Variants in CASK observed in about 807,000 individuals in gnomAD.
CASK encodes peripheral plasma membrane protein CASK.
CASK carries 4 observed loss-of-function variants against 82.9 expected under a neutral mutation model. That is an observed-to-expected ratio of 0.05 (90% CI 0.02 to 0.11). The LOEUF is 0.11. Among genes scored for constraint, CASK ranks in the 10% least tolerant of loss-of-function variants. The pLI is 1.00. For missense variants in CASK, 358 were observed against 720.9 expected, an observed-to-expected ratio of 0.50 and a Z score of 5.76; for synonymous variants, 259 against 253.5, an observed-to-expected ratio of 1.02 and a Z score of -0.20.
intron 10 of CASK, 80 bp from the exon 11 acceptor site, chrX:41,622,714 C>T (rs1419375985): frequency 2.3e-6 from 2 of 858,254 alleles, no homozygotes; most frequent in South Asian, 5.3e-5. Flanking sequence ...CAGTTCGGCC[C>T]ACTACATGAG....
rs138222671 is a variant in CASK, at chrX:41,647,583, C to T, written c.832-10922G>A. On this transcript the variant is annotated intron_variant, in intron 8 of 26. Transcript: ENST00000378163. ...CGTCAAAATCGAGAGAACGAACAAG[C>T]CTTCATCGCCATGGCACATTTATAT... Among the ~76,000 whole-genome samples the T allele has an allele frequency of 1.6e-3, 173 of 111,436 alleles. 2 individuals are homozygous for T. The East Asian group carries it at 0.043, about 28-fold the overall frequency.
At chrX:41,633,041 CAA>C (rs1162810871) in intron 9 of CASK, among the ~76,000 whole-genome samples, 13 of 61,076 alleles carry the variant, frequency 2.1e-4, no homozygotes, top group African/African-American at 6.4e-4. Flanking sequence ...AAGACTCTCT[CAA>C]AAAAAAAAAA....
chrX:41,552,704 A>T (rs779694293), intron 21 of CASK: 7 of 111,853 alleles, frequency 6.3e-5, no homozygotes, highest in Non-Finnish European at 9.4e-5. Flanking sequence ...TTCCTTATGT[A>T]TAAAATGATG....
At position 41,830,690 on chromosome X, in the gene CASK, G is replaced by C. The variant is rs575125284; in HGVS notation, c.172+22425C>G. On this transcript the variant is annotated intron_variant, in intron 2 of 26. Coordinates refer to ENST00000378163, the MANE Select transcript of CASK (RefSeq NM_001367721.1). ...AAAAAATTAGCCGGGCGTGGTGGCGGGTGCCTGTAGTCCCAGCTACTCAGG... is the reference window on the plus strand; with the variant it reads ...AAAAAATTAGCCGGGCGTGGTGGCGCGTGCCTGTAGTCCCAGCTACTCAGG... Among the ~76,000 whole-genome samples the C allele has an allele frequency of 1.7e-4, 18 of 107,653 alleles. No homozygotes were observed. In the South Asian group the frequency reaches 5.5e-3, roughly 33 times the overall value. The allele number at this position is 107,653 out of a possible 115,157, so 93.5% of individuals were successfully genotyped here.
At chrX:41,711,629 T>C (rs1355496940) in intron 5 of CASK, among the ~76,000 whole-genome samples, 2 of 111,039 alleles carry the variant, frequency 1.8e-5, no homozygotes, top group African/African-American at 6.6e-5. Context: ...TTGGTGTGCT[T>C]TCCTCTGATT....
At chrX:41,818,468 T>C (rs1177507948) in intron 2 of CASK, among the ~76,000 whole-genome samples, 1 of 109,059 alleles carries the variant, frequency 9.2e-6, no homozygotes, top group African/African-American at 3.4e-5. Flanking sequence ...CCAGGTGTGA[T>C]GGTGCACGCC....
intron 5 of CASK, among the ~76,000 whole-genome samples, chrX:41,722,455 A>T (rs763647292): frequency 8.9e-6 from 1 of 112,910 alleles, no homozygotes. Flanking sequence ...CTGTGAGGAC[A>T]GATGGCTGTG....
intron 8 of CASK, 107 bp downstream of exon 8, chrX:41,660,332 C>T (rs2067013305): frequency 1.5e-6 from 1 of 665,302 alleles, no homozygotes; most frequent in African/African-American, 2.2e-5. Context: ...ATGAAAACTG[C>T]TCAGAAAAAA....
chrX:41,594,774 C>T (rs1248078430), intron 12 of CASK, among the ~76,000 whole-genome samples: 3 of 111,683 alleles, frequency 2.7e-5, no homozygotes, highest in Non-Finnish European at 5.6e-5. Context: ...CCCCTGGGGG[C>T]AGGGGACGAG....
In CASK at chrX:41,626,587, G is replaced by A. The variant is rs2066380284; in HGVS notation, c.1015+17C>T. ...CCAAATGACCCACACAGGTGAATAA[G>A]TGAATTATCCAATTACCTGAGGAGG... On this transcript the variant is annotated intron_variant, in intron 10 of 26. Transcript: ENST00000378163. 9.8e-7 allele frequency: 1 copy of A among 1,017,103 alleles called. No individual in the cohort carries two copies. 83.8% of individuals were successfully genotyped at this position (1,017,103 alleles called of 1,213,427 possible). A position where few individuals can be genotyped will look rare whatever the true frequency, so the allele number is the denominator to read the frequency against.
At chrX:41,840,015 G>A (rs2071002711) in intron 2 of CASK, among the ~76,000 whole-genome samples, 1 of 112,006 alleles carries the variant, frequency 8.9e-6, no homozygotes, top group Non-Finnish European at 1.9e-5. Context: ...GTCAGGTAGT[G>A]TCAGTTCTCC....
chrX:41,675,817 T>C, intron 5 of CASK: 5 of 1,199,546 alleles, frequency 4.2e-6, no homozygotes, highest in Non-Finnish European at 5.6e-6. Flanking sequence ...ATGTCCACAA[T>C]GTCAAGTTGT....
chrX:41,770,250 T>TATC (rs1311773930), intron 3 of CASK, among the ~76,000 whole-genome samples: 21 of 105,335 alleles, frequency 2.0e-4, no homozygotes, highest in African/African-American at 6.7e-4. Context: ...ACAATCTATC[T>TATC]ATCTATCATC....
At chrX:41,729,752 A>C (rs1443282059) in intron 5 of CASK, 13 of 31,774 alleles carry the variant, frequency 4.1e-4, no homozygotes, top group African/African-American at 2.5e-3. Flanking sequence ...TCTGTCTCAA[A>C]AAAAAAAAAA....
chrX:41,671,591 G>T, intron 5 of CASK, 61 bp from the exon 6 acceptor site: 1 of 700,140 alleles, frequency 1.4e-6, no homozygotes, highest in Non-Finnish European at 2.3e-6. Flanking sequence ...AGGATTCATT[G>T]AAGATGAACA....
chrX:41,618,746 C>T (rs1273480549), intron 11 of CASK, among the ~76,000 whole-genome samples: 1 of 110,576 alleles, frequency 9.0e-6, no homozygotes, highest in Non-Finnish European at 1.9e-5. Context: ...ATAGACTGTC[C>T]CCCACCCACA....
chrX:41,834,894 C>T (rs1001342386), intron 2 of CASK, among the ~76,000 whole-genome samples: 1 of 111,943 alleles, frequency 8.9e-6, no homozygotes, highest in Admixed American at 9.5e-5. Flanking sequence ...CATCTAAGAA[C>T]ACCCCCATCT....
chrX:41,531,648 C>A (rs982620504), intron 24 of CASK, among the ~76,000 whole-genome samples: 5 of 112,508 alleles, frequency 4.4e-5, no homozygotes, highest in African/African-American at 1.6e-4. Flanking sequence ...ATTTTAGTTT[C>A]TCAGTCTCAC....
intron 1 of CASK, among the ~76,000 whole-genome samples, chrX:41,900,671 T>C (rs145999242): frequency 2.3e-3 from 241 of 107,043 alleles, no homozygotes; most frequent in African/African-American, 7.6e-3. Context: ...CCTGATTTTG[T>C]TGTCCATCTA....
Sources: allele counts gnomAD v4.1 joint callset (sites outside exome capture counted in the v4.1 genomes callset), GRCh38; gene constraint gnomAD v4.1.1; transcripts MANE v1.5; gene names NCBI Gene and HGNC (gene_info 2026-07-23, HGNC 2026-07-21).